Variants in FLI1 observed in about 807,000 individuals in gnomAD.
FLI1 encodes the protein Friend leukemia integration 1 transcription factor.
In FLI1, 13 loss-of-function variants were observed where a neutral mutation model predicts 53.1. The ratio of observed to expected loss-of-function variants is 0.24; its 90% CI spans 0.16 to 0.39. The LOEUF (loss-of-function observed/expected upper bound fraction) is 0.39, where lower values mean the gene tolerates loss of function less well. FLI1 is among the 10% of genes least tolerant of loss of function. FLI1 has a pLI of 1.00. For synonymous variants in FLI1, 244 were observed against 236.7 expected (o/e 1.03, Z -0.28); for missense variants, 424 against 600.5 (o/e 0.71, Z 3.07).
chr11:128,752,392 C>T (rs1940685869), intron 1 of FLI1, among the ~76,000 whole-genome samples: 1 of 152,040 alleles, frequency 6.6e-6, no homozygotes, highest in South Asian at 2.1e-4. Flanking sequence ...TGATATTATC[C>T]CCAACCTACA....
intron 4 of FLI1, among the ~76,000 whole-genome samples, chr11:128,776,808 C>T (rs982512029): frequency 2.0e-5 from 3 of 152,158 alleles, no homozygotes; most frequent in Non-Finnish European, 2.9e-5. Flanking sequence ...GAGTCCCAGT[C>T]CCTGGCCTCG....
chr11:128,801,496 G>C (rs1040987303), intron 5 of FLI1, among the ~76,000 whole-genome samples: 4 of 152,334 alleles, frequency 2.6e-5, no homozygotes, highest in Middle Eastern at 3.4e-3. Context: ...TCACCGAGCA[G>C]CATTCAGGCC....
intron 2 of FLI1, among the ~76,000 whole-genome samples, chr11:128,758,800 G>T (rs1940996744): frequency 6.6e-6 from 1 of 152,218 alleles, no homozygotes; most frequent in Admixed American, 6.5e-5. Flanking sequence ...GGGGCTCACT[G>T]TGTCTGGGAG....
At chr11:128,737,714 T>C (rs2509582) in intron 1 of FLI1, among the ~76,000 whole-genome samples, 126,036 of 152,202 alleles carry the variant, frequency 0.83, 52,695 homozygotes, top group East Asian at 0.96. Flanking sequence ...TAAGATAGCT[T>C]ATGTGAATGA....
At chr11:128,764,676 G>A (rs765637805) in intron 2 of FLI1, 1 of 1,537,206 alleles carries the variant, frequency 6.5e-7, no homozygotes, top group Non-Finnish European at 8.7e-7. Context: ...TTAAAGAGCA[G>A]CCTTTTATGC....
rs116388553 is a variant in FLI1 at position 128,780,794 on chromosome 11, C to T, written c.590-1164C>T. Among the ~76,000 whole-genome samples, 554 of 152,282 alleles carry T rather than the reference C, an allele frequency of 3.6e-3. 3 individuals carry two copies. The highest frequency in any genetic ancestry group is 0.013 in the African/African-American group (535 of 41,544). Reference sequence around the variant, plus strand: ...CCCCTGGCACCCAAGCCAGTCCACTCGGCCACAGGGAGCGGGGAAAAGGGT... The same window carrying T: ...CCCCTGGCACCCAAGCCAGTCCACTTGGCCACAGGGAGCGGGGAAAAGGGT... On this transcript the variant is annotated intron_variant, in intron 4 of 8. Coordinates refer to ENST00000527786, the MANE Select transcript of FLI1 (RefSeq NM_002017.5).
chr11:128,800,392 T>C (rs1342176089), intron 5 of FLI1, among the ~76,000 whole-genome samples: 1 of 152,206 alleles, frequency 6.6e-6, no homozygotes, highest in African/African-American at 2.4e-5. Flanking sequence ...TGTGGGCTGA[T>C]GTCGCTGTGT....
intron 1 of FLI1, among the ~76,000 whole-genome samples, chr11:128,743,879 T>TA (rs1311533213): frequency 3.3e-5 from 5 of 152,174 alleles, no homozygotes; most frequent in Non-Finnish European, 7.3e-5. Flanking sequence ...ACTTTTCCTG[T>TA]AGATGGATGC....
chr11:128,749,417 T>C (rs962926508), intron 1 of FLI1, among the ~76,000 whole-genome samples: 3 of 152,192 alleles, frequency 2.0e-5, no homozygotes, highest in African/African-American at 7.2e-5. Flanking sequence ...GTTCCTCTCC[T>C]GCGGGCCTCT....
At chr11:128,700,593 G>A (rs377589587) in intron 1 of FLI1, among the ~76,000 whole-genome samples, 1 of 152,176 alleles carries the variant, frequency 6.6e-6, no homozygotes, top group African/African-American at 2.4e-5. Flanking sequence ...AGAATTTGGG[G>A]GTGAGTATGG....
intron 4 of FLI1, among the ~76,000 whole-genome samples, chr11:128,777,765 G>T (rs1459692176): frequency 6.6e-6 from 1 of 152,230 alleles, no homozygotes; most frequent in Non-Finnish European, 1.5e-5. Flanking sequence ...CAATAGGCTG[G>T]CTGTGAGGGG....
chr11:128,758,096 C>G lies in FLI1; in HGVS notation c.19-19C>G, dbSNP rs1401789228. 3.1e-6 allele frequency: 5 copies of G among 1,600,902 alleles called. No homozygotes were observed. In the Admixed American group the frequency reaches 5.1e-5, roughly 16 times the overall value. On this transcript the variant is annotated intron_variant, in intron 1 of 8. Coordinates refer to ENST00000527786, the MANE Select transcript of FLI1 (RefSeq NM_002017.5). ...TGAAGAGTGACACTGGGCTTTCTGT[C>G]TCTTCTCTGGCCCTGCAGGAGGCTC...
At chr11:128,799,913 G>C (rs1240924425) in intron 5 of FLI1, among the ~76,000 whole-genome samples, 1 of 152,166 alleles carries the variant, frequency 6.6e-6, no homozygotes, top group Non-Finnish European at 1.5e-5. Context: ...TGGAGATGGG[G>C]TTTTAGAGGA....
intron 1 of FLI1, among the ~76,000 whole-genome samples, chr11:128,731,121 C>T (rs1455704865): frequency 3.3e-5 from 5 of 152,200 alleles, no homozygotes; most frequent in East Asian, 3.8e-4. Flanking sequence ...TATATATAGA[C>T]GCTTGGCCGT....
intron 1 of FLI1, among the ~76,000 whole-genome samples, chr11:128,742,951 T>A (rs1003607642): frequency 6.6e-6 from 1 of 152,182 alleles, no homozygotes; most frequent in Admixed American, 6.5e-5. Flanking sequence ...CATTTTGCTC[T>A]CACAGTTTCC....
chr11:128,690,572 G>T (rs533717196), upstream of FLI1, among the ~76,000 whole-genome samples: 4 of 152,264 alleles, frequency 2.6e-5, no homozygotes, highest in Non-Finnish European at 5.9e-5. Flanking sequence ...CCTCCCGGGG[G>T]AAGCAGGACT....
chr11:128,773,063 C>T, intron 4 of FLI1, 78 bp downstream of exon 4: 1 of 1,373,152 alleles, frequency 7.3e-7, no homozygotes, highest in Non-Finnish European at 1.0e-6. Flanking sequence ...TCAGTGCTGC[C>T]CGTTCGTGTT....
At chr11:128,701,916 G>C (rs1938350792) in intron 1 of FLI1, among the ~76,000 whole-genome samples, 1 of 152,316 alleles carries the variant, frequency 6.6e-6, no homozygotes, top group South Asian at 2.1e-4. Context: ...AGAATTGTTA[G>C]GTCTGAATAT....
intron 5 of FLI1, 131 bp downstream of exon 5, chr11:128,782,154 C>A: frequency 6.7e-6 from 5 of 745,252 alleles, no homozygotes; most frequent in South Asian, 1.7e-5. Context: ...CAAAGACAAG[C>A]CAAAATTTTC....
Sources: gnomAD v4.1 joint callset for allele counts (sites outside exome capture counted in the v4.1 genomes callset) on GRCh38, gnomAD v4.1.1 for gene constraint, MANE v1.5 for transcripts, NCBI Gene and HGNC (gene_info 2026-07-23, HGNC 2026-07-21) for gene names.